The following STARD9 variants were observed in gnomAD, a reference collection of about 807,000 sequenced individuals.
The protein encoded by STARD9 is stAR-related lipid transfer protein 9.
A neutral mutation model predicts 399.8 loss-of-function variants in STARD9; 346 were observed. That is an observed-to-expected ratio of 0.87 (90% CI 0.79 to 0.95). STARD9 has a LOEUF of 0.95. Ranked by LOEUF, STARD9 falls within the 40% of genes least tolerant of loss-of-function variation. The pLI is 0.00. For synonymous variants in STARD9, 2,203 were observed against 2,143.5 expected (o/e 1.03, Z -0.77); for missense variants, 5,832 against 5,667.5 (o/e 1.03, Z -0.93).
intron 22 of STARD9, among the ~76,000 whole-genome samples, chr15:42,683,449 A>G (rs2060477881): frequency 6.6e-6 from 1 of 152,182 alleles, no homozygotes; most frequent in African/African-American, 2.4e-5. Context: ...ATTTCTAAGT[A>G]TATACTTCTA....
chr15:42,661,126 A>C (rs900550842), intron 9 of STARD9, 32 bp from the exon 10 acceptor site: 3 of 1,487,628 alleles, frequency 2.0e-6, no homozygotes, highest in African/African-American at 2.8e-5. Context: ...AAATCGTTCC[A>C]AATGACAGGC....
At chr15:42,593,230 A>G (rs2058435698) in intron 3 of STARD9, among the ~76,000 whole-genome samples, 1 of 152,196 alleles carries the variant, frequency 6.6e-6, no homozygotes, top group Admixed American at 6.5e-5. Context: ...TTCTGGGACC[A>G]TCCTGCTCCA....
Position 42,695,394 on chromosome 15 carries a change from C to T in STARD9, c.13146+71C>T, listed in dbSNP as rs113103629. ...CAGACTGGTACACCTTCACCGTGGC[C>T]GCCTCTGAGTCTTGGGACATACGTA... On this transcript the variant is annotated intron_variant, in intron 25 of 32. Coordinates refer to ENST00000290607, the MANE Select transcript of STARD9 (RefSeq NM_020759.3). 6.3e-3 allele frequency: 8,696 copies of T among 1,371,892 alleles called. 373 individuals carry two copies. In the African/African-American group the frequency reaches 0.1, roughly 16 times the overall value. The allele number at this position is 1,371,892 out of a possible 1,614,324, so 85.0% of individuals were successfully genotyped here.
intron 3 of STARD9, among the ~76,000 whole-genome samples, chr15:42,607,511 CCT>C (rs1473515184): frequency 2.6e-5 from 4 of 151,706 alleles, no homozygotes; most frequent in African/African-American, 9.7e-5. Context: ...CCTCCTGATG[CCT>C]CTTTTTCTGA....
intron 1 of STARD9, among the ~76,000 whole-genome samples, chr15:42,580,411 C>T (rs149778092): frequency 6.8e-4 from 104 of 152,318 alleles, no homozygotes; most frequent in African/African-American, 2.5e-3. Flanking sequence ...CTCTGTATCC[C>T]TTCCTCAGAC....
rs567010334 is a variant in STARD9, at chr15:42,643,219, C to T, written c.559+4407C>T. Among the ~76,000 whole-genome samples the T allele has an allele frequency of 7.2e-5, 11 of 152,082 alleles. No homozygotes were observed. The East Asian group carries it at 1.5e-3, about 21-fold the overall frequency. On this transcript the variant is annotated intron_variant, in intron 7 of 32. Coordinates refer to ENST00000290607, the MANE Select transcript of STARD9 (RefSeq NM_020759.3). ...TGTTTTTGGTTTTGTTTTTTTGAGACGGAGTCTTGCTTTGTCACCCAGGCT... is the reference window on the plus strand; with the variant it reads ...TGTTTTTGGTTTTGTTTTTTTGAGATGGAGTCTTGCTTTGTCACCCAGGCT...
rs187732802 is a variant in STARD9, at chr15:42,612,921, T to G, written c.235-21935T>G. On this transcript the variant is annotated intron_variant, in intron 3 of 32. Transcript: ENST00000290607. The stretch of plus-strand genomic sequence containing the variant: ...ATTGCTTGAACCTGGGAGGTGGAGG[T>G]TGCAGTCAGCCAAGATCCTGCCACT... Among the ~76,000 whole-genome samples, 532 of 148,988 alleles carry G rather than the reference T, an allele frequency of 3.6e-3. 2 individuals carry two copies. The highest frequency in any genetic ancestry group is 0.012 in the African/African-American group (503 of 40,332).
intron 3 of STARD9, among the ~76,000 whole-genome samples, chr15:42,633,038 G>A (rs1057221207): frequency 1.9e-4 from 28 of 151,198 alleles, no homozygotes; most frequent in African/African-American, 6.6e-4. Context: ...AGCTGCTGGG[G>A]GGCCAAGGTA....
At chr15:42,696,202 ATTGT>A (rs1415572438) in intron 26 of STARD9, among the ~76,000 whole-genome samples, 1 of 152,240 alleles carries the variant, frequency 6.6e-6, no homozygotes, top group African/African-American at 2.4e-5. Context: ...GTTGCAGTAA[ATTGT>A]TTGAAGGCGG....
At chr15:42,712,086 T>TAAAAAAA in intron 26 of STARD9, among the ~76,000 whole-genome samples, 1 of 31,288 alleles carries the variant, frequency 3.2e-5, no homozygotes, top group African/African-American at 4.5e-4. Flanking sequence ...ATATATTATA[T>TAAAAAAA]ATATATATAT....
At chr15:42,624,008 A>G (rs1012442445) in intron 3 of STARD9, among the ~76,000 whole-genome samples, 1 of 152,244 alleles carries the variant, frequency 6.6e-6, no homozygotes, top group African/African-American at 2.4e-5. Context: ...TAGAGACCCA[A>G]AGATGAATGG....
intron 25 of STARD9, among the ~76,000 whole-genome samples, 193 bp from the exon 26 acceptor site, chr15:42,695,550 G>C (rs1257765472): frequency 6.6e-6 from 1 of 152,238 alleles, no homozygotes; most frequent in Admixed American, 6.5e-5. Context: ...GAGGTGCAGG[G>C]TGTGGGGAAA....
At chr15:42,580,257 C>T (rs1048335475) in intron 1 of STARD9, among the ~76,000 whole-genome samples, 1 of 152,178 alleles carries the variant, frequency 6.6e-6, no homozygotes, top group Non-Finnish European at 1.5e-5. Context: ...TCCCAAGGGA[C>T]AAATACCTCA....
intron 3 of STARD9, among the ~76,000 whole-genome samples, chr15:42,603,028 C>T (rs961914252): frequency 2.0e-5 from 3 of 152,126 alleles, no homozygotes; most frequent in African/African-American, 7.2e-5. Flanking sequence ...TTCTGAACTG[C>T]ATTTTTTGGG....
In STARD9 at chr15:42,681,576, T is replaced by A. The variant is rs1427397295; in HGVS notation, c.2029T>A (p.Phe677Ile). ...EEIRAAKELE[F>I]DQAWISQQIK... ...GATTCGAGCTGCGAAGGAACTGGAA[T>A]TTGACCAAGCTTGGATTAGCCAGCA... is the stretch of plus-strand genomic sequence containing the variant. Residue 677 changes from phenylalanine to isoleucine, a missense_variant, in exon 21 of 33, where the codon TTT (phenylalanine) becomes ATT (isoleucine). Transcript: ENST00000290607. 3.3e-6 allele frequency: 5 copies of A among 1,537,156 alleles called. No homozygotes were observed. In the East Asian group the frequency reaches 1.2e-4, roughly 38 times the overall value.
intron 3 of STARD9, among the ~76,000 whole-genome samples, chr15:42,617,510 A>G (rs2058992514): frequency 6.6e-6 from 1 of 151,836 alleles, no homozygotes; most frequent in South Asian, 2.1e-4. Context: ...CTAGGTGATA[A>G]TAGTTATCAC....
At chr15:42,635,033 T>C (rs1386144300) in intron 4 of STARD9, 61 bp downstream of exon 4, 2 of 845,108 alleles carry the variant, frequency 2.4e-6, no homozygotes, top group African/African-American at 3.4e-5. Flanking sequence ...TGCATTGTCC[T>C]TACTACTGTG....
intron 7 of STARD9, among the ~76,000 whole-genome samples, chr15:42,644,844 ATAT>A (rs2059616266): frequency 6.6e-6 from 1 of 152,160 alleles, no homozygotes; most frequent in African/African-American, 2.4e-5. Context: ...AGTTTATATA[ATAT>A]TCTGTTTCAT....
intron 25 of STARD9, 105 bp downstream of exon 25, chr15:42,695,428 A>T (rs1299086507): frequency 1.7e-6 from 2 of 1,144,498 alleles, no homozygotes; most frequent in South Asian, 3.3e-5. Flanking sequence ...TAACATTTGG[A>T]GGAGGCTGTG....
Sources: gnomAD v4.1 joint callset for allele counts (sites outside exome capture counted in the v4.1 genomes callset) on GRCh38, gnomAD v4.1.1 for gene constraint, MANE v1.5 for transcripts, NCBI Gene and HGNC (gene_info 2026-07-23, HGNC 2026-07-21) for gene names.